PRKCE: variants seen among roughly 807,000 people sequenced by gnomAD.
PRKCE encodes protein kinase C epsilon.
Under a neutral mutation model 85.4 loss-of-function variants are expected in PRKCE, and 16 were observed. The observed-to-expected ratio is 0.19, with a 90% CI of 0.13 to 0.28. The LOEUF (loss-of-function observed/expected upper bound fraction) is 0.28. Among genes scored for constraint, PRKCE ranks in the 10% least tolerant of loss-of-function variants. PRKCE has a pLI of 1.00. For synonymous variants in PRKCE, 388 were observed against 371.5 expected, an observed-to-expected ratio of 1.04 and a Z score of -0.51; for missense variants, 573 against 975.2, an observed-to-expected ratio of 0.59 and a Z score of 5.49.
chr2:45,844,240 G>A (rs1331647623), intron 2 of PRKCE, among the ~76,000 whole-genome samples: 4 of 152,122 alleles, frequency 2.6e-5, no homozygotes, highest in African/African-American at 9.7e-5. Context: ...ATAGAATTAG[G>A]CCCTCTTTTA....
chr2:46,080,675 A>G (rs1281107607), intron 10 of PRKCE, among the ~76,000 whole-genome samples: 1 of 152,174 alleles, frequency 6.6e-6, no homozygotes, highest in African/African-American at 2.4e-5. Context: ...GGATGAGCAG[A>G]TTTTGTTTGA....
At chr2:45,797,011 T>G (rs918456683) in intron 1 of PRKCE, among the ~76,000 whole-genome samples, 62 of 152,232 alleles carry the variant, frequency 4.1e-4, no homozygotes, top group Non-Finnish European at 6.8e-4. Flanking sequence ...TACTATTTAT[T>G]TGAGACACAA....
At chr2:45,727,079 T>C (rs1019587803) in intron 1 of PRKCE, among the ~76,000 whole-genome samples, 1 of 152,232 alleles carries the variant, frequency 6.6e-6, no homozygotes, top group Non-Finnish European at 1.5e-5. Flanking sequence ...TAAAGATGTA[T>C]ACCTGGATGC....
chr2:45,896,021 G>C (rs894708314), intron 2 of PRKCE, among the ~76,000 whole-genome samples: 16 of 152,190 alleles, frequency 1.1e-4, no homozygotes, highest in African/African-American at 3.9e-4. Flanking sequence ...GCGCAGGAGT[G>C]GGGTGGTCAT....
chr2:46,033,875 G>A (rs1477543022), intron 10 of PRKCE, among the ~76,000 whole-genome samples: 1 of 152,180 alleles, frequency 6.6e-6, no homozygotes, highest in Non-Finnish European at 1.5e-5. Context: ...ATGACTCAGA[G>A]GGGAAAGAGC....
intron 10 of PRKCE, among the ~76,000 whole-genome samples, chr2:46,050,537 C>T (rs1029740986): frequency 2.6e-5 from 4 of 152,248 alleles, no homozygotes; most frequent in Non-Finnish European, 5.9e-5. Flanking sequence ...CCTTGTCCCT[C>T]CCTTGTGAGC....
At chr2:45,990,448 G>C (rs1434847364) in intron 6 of PRKCE, among the ~76,000 whole-genome samples, 2 of 152,142 alleles carry the variant, frequency 1.3e-5, no homozygotes, top group Non-Finnish European at 2.9e-5. Flanking sequence ...CTATGAGGCA[G>C]GGGCAATCAG....
intron 1 of PRKCE, among the ~76,000 whole-genome samples, chr2:45,665,544 A>G (rs2103786846): frequency 6.6e-6 from 1 of 152,310 alleles, no homozygotes; most frequent in Middle Eastern, 3.4e-3. Context: ...GTCTTGAAGT[A>G]GAAAAAAAAG....
chr2:45,756,996 A>C (rs1684060088), intron 1 of PRKCE, among the ~76,000 whole-genome samples: 1 of 152,160 alleles, frequency 6.6e-6, no homozygotes, highest in Admixed American at 6.6e-5. Context: ...CATGCCTCTA[A>C]TCCCAGCACT....
At chr2:45,826,816 C>T (rs1460752903) in intron 1 of PRKCE, among the ~76,000 whole-genome samples, 1 of 152,198 alleles carries the variant, frequency 6.6e-6, no homozygotes, top group African/African-American at 2.4e-5. Context: ...ACGTGCAATC[C>T]CGCAGCAAAT....
chr2:45,932,142 G>A (rs1558850532), intron 2 of PRKCE, among the ~76,000 whole-genome samples: 2 of 152,180 alleles, frequency 1.3e-5, no homozygotes, highest in South Asian at 4.1e-4. Context: ...CAAGAACGTG[G>A]AATAGTTTTA....
At chr2:45,914,296 C>T (rs549161375) in intron 2 of PRKCE, among the ~76,000 whole-genome samples, 113 of 152,216 alleles carry the variant, frequency 7.4e-4, no homozygotes, top group Middle Eastern at 3.4e-3. Flanking sequence ...GATGGGTGGA[C>T]GATATGTCCA....
chr2:46,087,412 C>G (rs1669751498), intron 11 of PRKCE, among the ~76,000 whole-genome samples: 1 of 152,144 alleles, frequency 6.6e-6, no homozygotes, highest in African/African-American at 2.4e-5. Context: ...AGGTCCTAAC[C>G]CTTGAATGTG....
intron 1 of PRKCE, among the ~76,000 whole-genome samples, chr2:45,800,755 T>C (rs1687799110): frequency 6.6e-6 from 1 of 151,990 alleles, no homozygotes; most frequent in South Asian, 2.1e-4. Flanking sequence ...AACTTGGGGG[T>C]AGAACTAACA....
intron 1 of PRKCE, among the ~76,000 whole-genome samples, chr2:45,743,003 A>G (rs1682705024): frequency 6.6e-6 from 1 of 152,252 alleles, no homozygotes; most frequent in Admixed American, 6.5e-5. Context: ...ATTAGGCTAA[A>G]TGAAATAAGC....
At chr2:45,744,152 A>C (rs1682829491) in intron 1 of PRKCE, among the ~76,000 whole-genome samples, 1 of 152,194 alleles carries the variant, frequency 6.6e-6, no homozygotes, top group African/African-American at 2.4e-5. Flanking sequence ...AATGGGAATA[A>C]TAACACCAAC....
chr2:45,775,179 T>C (rs932291740), intron 1 of PRKCE, among the ~76,000 whole-genome samples: 1 of 152,186 alleles, frequency 6.6e-6, no homozygotes, highest in South Asian at 2.1e-4. Flanking sequence ...CATTTGCTCA[T>C]AAGGAACTAA....
chr2:45,970,315 T>G (rs900824099), intron 2 of PRKCE, among the ~76,000 whole-genome samples: 1 of 152,234 alleles, frequency 6.6e-6, no homozygotes, highest in Non-Finnish European at 1.5e-5. Context: ...TTCCTGATTA[T>G]AGTCAGTATC....
chr2:45,966,355 C>T (rs933896721), intron 2 of PRKCE, among the ~76,000 whole-genome samples: 5 of 152,174 alleles, frequency 3.3e-5, no homozygotes, highest in South Asian at 4.1e-4. Flanking sequence ...ATGTGAGGTA[C>T]TACCTTGCAC....
Sources: gnomAD v4.1 joint callset for allele counts (sites outside exome capture counted in the v4.1 genomes callset) on GRCh38, gnomAD v4.1.1 for gene constraint, MANE v1.5 for transcripts, NCBI Gene and HGNC (gene_info 2026-07-23, HGNC 2026-07-21) for gene names.